TMEM123: variants seen among roughly 807,000 people sequenced by gnomAD.
TMEM123 encodes the protein transmembrane protein 123.
In TMEM123, 16 loss-of-function variants were observed where a neutral mutation model predicts 19.7. The ratio of observed to expected loss-of-function variants is 0.81; its 90% CI spans 0.55 to 1.23. The LOEUF is 1.23. Ranked by LOEUF, TMEM123 falls within the 50% of genes most tolerant of loss-of-function variation. The pLI is 0.00. For missense variants in TMEM123, 313 were observed against 257.8 expected, an observed-to-expected ratio of 1.21 and a Z score of -1.47; for synonymous variants, 118 against 99.4, an observed-to-expected ratio of 1.19 and a Z score of -1.12.
chr11:102,452,486 TCCCACGAAC>T (rs1857952902), intron 1 of TMEM123, 29 bp downstream of exon 1: 2 of 1,418,498 alleles, frequency 1.4e-6, no homozygotes, highest in Non-Finnish European at 1.9e-6. Context: ...GCGCGCTGCC[TCCCACGAAC>T]GGGGCTGACG....
Position 102,452,684 on chromosome 11 carries a change from GCGGCTCCTCTGCGCAGCCGGCGC to G in TMEM123, c.-84_-62del, listed in dbSNP as rs1315864543. ...CCCAGCCGAGGTGGCGGCGGCGAGA[GCGGCTCCTCTGCGCAGCCGGCGC>G]CGGCTCCGCTTCCCCTTCGGCCGCG... On this transcript the variant is annotated 5_prime_UTR_variant, in exon 1 of 5. Transcript: ENST00000398136. The G allele has an allele frequency of 3.0e-6, 4 of 1,312,654 alleles. No individual in the cohort carries two copies. The highest frequency in any genetic ancestry group is 1.7e-5 in the South Asian group (1 of 60,254). 81.3% of individuals were successfully genotyped at this position (1,312,654 alleles called of 1,614,324 possible). A position where few individuals can be genotyped will look rare whatever the true frequency, so the allele number is the denominator to read the frequency against.
chr11:102,428,278 AT>A (rs1952146491), intron 2 of TMEM123, among the ~76,000 whole-genome samples: 1 of 152,134 alleles, frequency 6.6e-6, no homozygotes, highest in Non-Finnish European at 1.5e-5. Context: ...CTTAACCTAT[AT>A]TCTTCACAAT....
At chr11:102,426,485 C>G (rs1449327799) in intron 2 of TMEM123, among the ~76,000 whole-genome samples, 1 of 150,072 alleles carries the variant, frequency 6.7e-6, no homozygotes, top group African/African-American at 2.5e-5. Context: ...GTGTCTCGCT[C>G]TGTCTCCCAG....
At chr11:102,412,158 G>A (rs577977492) in intron 2 of TMEM123, among the ~76,000 whole-genome samples, 21 of 152,258 alleles carry the variant, frequency 1.4e-4, no homozygotes, top group South Asian at 4.1e-4. Flanking sequence ...GGCCAGGCAC[G>A]GTGGCTCATG....
chr11:102,401,441 T>C, intron 4 of TMEM123, 98 bp downstream of exon 4: 1 of 1,137,188 alleles, frequency 8.8e-7, no homozygotes, highest in East Asian at 2.6e-5. Context: ...ATCTATCAAT[T>C]ATTCATCCCT....
intron 2 of TMEM123, 81 bp from the exon 3 acceptor site, chr11:102,402,287 A>T: frequency 7.0e-7 from 1 of 1,430,994 alleles, no homozygotes; most frequent in Non-Finnish European, 9.6e-7. Flanking sequence ...TTTCATGGTC[A>T]CAGACAAAGC....
intron 2 of TMEM123, among the ~76,000 whole-genome samples, chr11:102,408,040 T>C (rs934025794): frequency 6.6e-6 from 1 of 152,234 alleles, no homozygotes; most frequent in Non-Finnish European, 1.5e-5. Flanking sequence ...AGTAAGTCCA[T>C]AAATACTTGT....
chr11:102,408,161 G>A (rs1197698157), intron 2 of TMEM123, among the ~76,000 whole-genome samples: 2 of 152,136 alleles, frequency 1.3e-5, no homozygotes, highest in African/African-American at 4.8e-5. Flanking sequence ...CATAATTACA[G>A]GAAAAATGAA....
At chr11:102,407,129 T>C (rs1169816094) in intron 2 of TMEM123, among the ~76,000 whole-genome samples, 2 of 152,158 alleles carry the variant, frequency 1.3e-5, no homozygotes, top group Non-Finnish European at 2.9e-5. Context: ...TAAGCCTCTC[T>C]AGGCCTGATT....
chr11:102,398,984 A>G (rs554225410), intron 4 of TMEM123, 93 bp from the exon 5 acceptor site: 12 of 1,150,382 alleles, frequency 1.0e-5, no homozygotes, highest in Admixed American at 1.0e-4. Flanking sequence ...GATTAGAACA[A>G]TTTCAAGCTG....
At chr11:102,436,510 GGT>G (rs1857764555) in intron 2 of TMEM123, among the ~76,000 whole-genome samples, 4 of 151,820 alleles carry the variant, frequency 2.6e-5, no homozygotes, top group Admixed American at 2.0e-4. Context: ...CAAGAAGACT[GGT>G]GCATGAATTA....
intron 2 of TMEM123, among the ~76,000 whole-genome samples, chr11:102,441,914 T>C (rs1378251148): frequency 6.6e-6 from 1 of 152,172 alleles, no homozygotes; most frequent in Non-Finnish European, 1.5e-5. Flanking sequence ...CAGAGAATAC[T>C]ATAAACACCT....
intron 2 of TMEM123, among the ~76,000 whole-genome samples, chr11:102,409,912 T>A (rs1951989367): frequency 6.9e-6 from 1 of 144,506 alleles, no homozygotes; most frequent in Non-Finnish European, 1.5e-5. Context: ...AAAAAAAAAA[T>A]CTAAGAGAAA....
rs9971393 is a variant in TMEM123, at chr11:102,447,461, C to T, written c.157+1351G>A. On this transcript the variant is annotated intron_variant, in intron 2 of 4. Coordinates refer to ENST00000398136, the MANE Select transcript of TMEM123 (RefSeq NM_052932.3). ...ACCAGAAATGACACCTACCTCACCA[C>T]TGTTAAATTAGTAAATGTATGAGGA... 3.6e-3 allele frequency among the ~76,000 whole-genome samples: 551 copies of T among 152,280 alleles called. 5 individuals carry two copies. The highest frequency in any genetic ancestry group is 0.013 in the African/African-American group (526 of 41,554).
intron 2 of TMEM123, among the ~76,000 whole-genome samples, chr11:102,428,779 G>A (rs751672160): frequency 1.3e-5 from 2 of 152,112 alleles, no homozygotes; most frequent in Non-Finnish European, 2.9e-5. Context: ...CATTTTTGCT[G>A]CAGCTCATCA....
Position 102,435,087 on chromosome 11 carries a change from C to T in TMEM123, c.157+13725G>A, listed in dbSNP as rs569947163. ...GGGCACAGTGGCTCACACCTGTAAT[C>T]CCAGCACATTGGGAGGCCAAGGCAG... On this transcript the variant is annotated intron_variant, in intron 2 of 4. Transcript: ENST00000398136. Among the ~76,000 whole-genome samples, 4 of 152,052 alleles carry T rather than the reference C, an allele frequency of 2.6e-5. No individual in the cohort carries two copies. The East Asian group carries it at 7.7e-4, about 29-fold the overall frequency.
chr11:102,436,157 C>T (rs1290169218), intron 2 of TMEM123, among the ~76,000 whole-genome samples: 1 of 151,760 alleles, frequency 6.6e-6, no homozygotes, highest in Non-Finnish European at 1.5e-5. Flanking sequence ...GGTTTAACTC[C>T]TTATTTTTTA....
intron 2 of TMEM123, among the ~76,000 whole-genome samples, chr11:102,426,959 TAG>T (rs762628751): frequency 1.3e-5 from 2 of 149,112 alleles, no homozygotes; most frequent in Non-Finnish European, 3.0e-5. Flanking sequence ...TGAAGTTCTA[TAG>T]TTGGGATATT....
intron 2 of TMEM123, among the ~76,000 whole-genome samples, chr11:102,446,660 T>C (rs1857886229): frequency 6.6e-6 from 1 of 152,164 alleles, no homozygotes. Context: ...AGTGAGATGT[T>C]AGGATGAATA....
Sources: allele counts gnomAD v4.1 joint callset (sites outside exome capture counted in the v4.1 genomes callset), GRCh38; gene constraint gnomAD v4.1.1; transcripts MANE v1.5; gene names NCBI Gene and HGNC (gene_info 2026-07-23, HGNC 2026-07-21).